COL13A1: variants seen among roughly 807,000 people sequenced by gnomAD.
COL13A1 encodes collagen alpha-1(XIII) chain.
A neutral mutation model predicts 130.9 loss-of-function variants in COL13A1; 89 were observed. The ratio of observed to expected loss-of-function variants is 0.68; its 90% CI spans 0.57 to 0.81. The LOEUF is 0.81. COL13A1 is among the 30% of genes least tolerant of loss of function. The pLI is 0.00. For missense variants in COL13A1, 879 were observed against 934.6 expected (o/e 0.94, Z 0.78); for synonymous variants, 402 against 341.6 (o/e 1.18, Z -1.95).
chr10:69,949,505 T>C (rs1020722146), intron 38 of COL13A1, among the ~76,000 whole-genome samples: 1 of 152,182 alleles, frequency 6.6e-6, no homozygotes, highest in Non-Finnish European at 1.5e-5. Context: ...TATCTTACAG[T>C]GAACCAAGAT....
chr10:69,831,024 G>A (rs1238549283), intron 2 of COL13A1, among the ~76,000 whole-genome samples: 1 of 151,940 alleles, frequency 6.6e-6, no homozygotes, highest in Admixed American at 6.6e-5. Context: ...CCTTTTTATT[G>A]CCAAATAATA....
At chr10:69,884,929 A>C (rs2134444911) in intron 7 of COL13A1, among the ~76,000 whole-genome samples, 1 of 152,370 alleles carries the variant, frequency 6.6e-6, no homozygotes, top group African/African-American at 2.4e-5. Flanking sequence ...TAGGAAGAGA[A>C]AGCTCAATTG....
At chr10:69,881,304 G>A (rs1003414113) in intron 7 of COL13A1, among the ~76,000 whole-genome samples, 6 of 151,960 alleles carry the variant, frequency 3.9e-5, no homozygotes, top group Non-Finnish European at 4.4e-5. Context: ...GAGGGGGAGC[G>A]CCCTCCCGTG....
At chr10:69,904,300 C>T (rs150589192) in intron 15 of COL13A1, among the ~76,000 whole-genome samples, 6 of 152,192 alleles carry the variant, frequency 3.9e-5, no homozygotes, top group East Asian at 1.9e-4. Context: ...ATAACAACAA[C>T]GACAACCAAA....
At chr10:69,887,994 G>C (rs2060767978) in intron 8 of COL13A1, among the ~76,000 whole-genome samples, 1 of 152,154 alleles carries the variant, frequency 6.6e-6, no homozygotes, top group Admixed American at 6.5e-5. Context: ...CTGATTTCTA[G>C]GAACACACCA....
intron 13 of COL13A1, among the ~76,000 whole-genome samples, chr10:69,895,864 AGTCTCCTGCTGTGT>A (rs1157976226): frequency 4.6e-5 from 7 of 152,002 alleles, no homozygotes; most frequent in African/African-American, 1.7e-4. Context: ...GGTATGTTGG[AGTCTCCTGCTGTGT>A]GTCTGGAGCT....
At chr10:69,957,157 C>T in intron 40 of COL13A1, 115 bp downstream of exon 40, 1 of 874,064 alleles carries the variant, frequency 1.1e-6, no homozygotes, top group East Asian at 2.5e-5. Flanking sequence ...GTCAAATAGT[C>T]ACTGTCTCAA....
chr10:69,843,082 G>A (rs777102608), intron 2 of COL13A1, among the ~76,000 whole-genome samples: 22 of 152,202 alleles, frequency 1.4e-4, no homozygotes, highest in Non-Finnish European at 2.6e-4. Context: ...GTCAGTGCTG[G>A]AGGGTGGGGG....
intron 3 of COL13A1, among the ~76,000 whole-genome samples, chr10:69,871,703 G>A (rs1256237921): frequency 1.3e-5 from 2 of 152,340 alleles, no homozygotes; most frequent in East Asian, 3.9e-4. Context: ...AACTGTATGT[G>A]ACAGCAGGGT....
intron 10 of COL13A1, among the ~76,000 whole-genome samples, chr10:69,889,703 C>G (rs1249353124): frequency 6.7e-6 from 1 of 149,230 alleles, no homozygotes; most frequent in Admixed American, 6.6e-5. Flanking sequence ...ACACAGAGGT[C>G]GGTGTCCAGC....
At position 69,841,308 on chromosome 10, in the gene COL13A1, C is replaced by T. The variant is rs559458718; in HGVS notation, c.364+18870C>T. Reference sequence around the variant, plus strand: ...CCAATTTCAGGTCACCTGCCACTGCCGAAAGCTTCCTTAGAGCCAGCCCAG... The same window carrying T: ...CCAATTTCAGGTCACCTGCCACTGCTGAAAGCTTCCTTAGAGCCAGCCCAG... On this transcript the variant is annotated intron_variant, in intron 2 of 40. Coordinates refer to ENST00000645393, the MANE Select transcript of COL13A1 (RefSeq NM_001368882.1). 3.3e-5 allele frequency among the ~76,000 whole-genome samples: 5 copies of T among 152,168 alleles called. No individual in the cohort carries two copies. In the South Asian group the frequency reaches 6.2e-4, roughly 19 times the overall value.
intron 17 of COL13A1, among the ~76,000 whole-genome samples, chr10:69,906,084 G>T (rs1257880476): frequency 6.6e-6 from 1 of 152,238 alleles, no homozygotes; most frequent in Non-Finnish European, 1.5e-5. Context: ...AGAGTCAGAA[G>T]CACTCCTGCA....
At chr10:69,847,546 C>G (rs1050574151) in intron 2 of COL13A1, among the ~76,000 whole-genome samples, 1 of 152,188 alleles carries the variant, frequency 6.6e-6, no homozygotes, top group Non-Finnish European at 1.5e-5. Flanking sequence ...CTCCTTGCCT[C>G]CAGGCTTATG....
rs554178008 is a variant in COL13A1, at chr10:69,829,910, C to G, written c.364+7472C>G. Among the ~76,000 whole-genome samples the G allele has an allele frequency of 2.8e-4, 43 of 152,328 alleles. No individual in the cohort carries two copies. In the South Asian group the frequency reaches 8.9e-3, roughly 32 times the overall value. On this transcript the variant is annotated intron_variant, in intron 2 of 40. Transcript: ENST00000645393. ...AAGTTCATTTCTTCCCCATTTCCTCCCAAAAGCACTTCCAGATCCCCAGCC... is the reference window on the plus strand; with the variant it reads ...AAGTTCATTTCTTCCCCATTTCCTCGCAAAAGCACTTCCAGATCCCCAGCC...
chr10:69,909,428 T>C (rs1488799019), intron 17 of COL13A1, among the ~76,000 whole-genome samples: 2 of 152,242 alleles, frequency 1.3e-5, no homozygotes, highest in Non-Finnish European at 2.9e-5. Context: ...TTGCTTCCAC[T>C]GCTCCCAACC....
intron 27 of COL13A1, 111 bp downstream of exon 27, chr10:69,927,221 C>T: frequency 6.6e-7 from 1 of 1,520,508 alleles, no homozygotes; most frequent in Non-Finnish European, 9.1e-7. Context: ...TACTGGGCTG[C>T]AGATTAGGGT....
chr10:69,888,559 G>A (rs919617302), intron 9 of COL13A1, among the ~76,000 whole-genome samples: 3 of 152,200 alleles, frequency 2.0e-5, no homozygotes, highest in Admixed American at 1.3e-4. Flanking sequence ...CGAAGTCCAG[G>A]CGAGAGCCAT....
At position 69,822,440 on chromosome 10, in the gene COL13A1, T is replaced by TA. The variant is rs755741181; in HGVS notation, c.364+4dup. Reference sequence around the variant, plus strand: ...CTCCAGGATGTAACTGCCCACCAGGTAAGCAGCCCTGCAAATAGGTGACCG... The same window carrying TA: ...CTCCAGGATGTAACTGCCCACCAGGTAAAGCAGCCCTGCAAATAGGTGACCG... On this transcript the variant is annotated splice_region_variant and intron_variant, in intron 2 of 40. Transcript: ENST00000645393. 9.2e-5 allele frequency: 146 copies of TA among 1,586,200 alleles called. 1 individual carries two copies. The highest frequency in any genetic ancestry group is 1.8e-5 in the Non-Finnish European group (21 of 1,166,672).
chr10:69,859,502 G>A (rs1056048624), intron 2 of COL13A1, among the ~76,000 whole-genome samples: 31 of 152,258 alleles, frequency 2.0e-4, no homozygotes, highest in African/African-American at 6.8e-4. Context: ...GCAGAGCCAT[G>A]ATGTGACGTT....
Sources: gnomAD v4.1 joint callset for allele counts (sites outside exome capture counted in the v4.1 genomes callset) on GRCh38, gnomAD v4.1.1 for gene constraint, MANE v1.5 for transcripts, NCBI Gene and HGNC (gene_info 2026-07-23, HGNC 2026-07-21) for gene names.